GALNTL6: variants seen among roughly 807,000 people sequenced by gnomAD.
The protein encoded by GALNTL6 is polypeptide N-acetylgalactosaminyltransferase like 6.
Under a neutral mutation model 73.7 loss-of-function variants are expected in GALNTL6, and 46 were observed. The ratio of observed to expected loss-of-function variants is 0.62; its 90% confidence interval spans 0.49 to 0.80. GALNTL6 has a LOEUF of 0.80. Among genes scored for constraint, GALNTL6 ranks in the 30% least tolerant of loss-of-function variants. GALNTL6 has a pLI of 0.00. For missense variants in GALNTL6, 604 were observed against 755.0 expected, an observed-to-expected ratio of 0.80 and a Z score of 2.34; for synonymous variants, 259 against 263.7, an observed-to-expected ratio of 0.98 and a Z score of 0.17.
Position 171,954,838 on chromosome 4 carries a change from A to G in GALNTL6, c.138+140120A>G, listed in dbSNP as rs551352300. Among the ~76,000 whole-genome samples, 13 of 152,222 alleles carry G rather than the reference A, an allele frequency of 8.5e-5. No individual in the cohort carries two copies. The South Asian group carries it at 1.7e-3, about 19-fold the overall frequency. ...TTCTCACAAGACCTGGTTGTTTAAA[A>G]GTGTGCAGCACTTTCCAGTTGTCTC... On this transcript the variant is annotated intron_variant, in intron 2 of 12. Coordinates refer to ENST00000506823, the MANE Select transcript of GALNTL6 (RefSeq NM_001034845.3).
At chr4:172,092,211 T>C (rs1169872645) in intron 2 of GALNTL6, among the ~76,000 whole-genome samples, 1 of 152,106 alleles carries the variant, frequency 6.6e-6, no homozygotes, top group African/African-American at 2.4e-5. Flanking sequence ...AACATGCAAT[T>C]AAAAATCAAA....
At chr4:172,562,329 A>G (rs1354261128) in intron 5 of GALNTL6, among the ~76,000 whole-genome samples, 3 of 152,188 alleles carry the variant, frequency 2.0e-5, no homozygotes, top group African/African-American at 7.2e-5. Flanking sequence ...AGCCATTACC[A>G]TTCAGCAAGA....
intron 2 of GALNTL6, among the ~76,000 whole-genome samples, chr4:172,037,356 A>G (rs2110832539): frequency 6.6e-6 from 1 of 152,232 alleles, no homozygotes; most frequent in Middle Eastern, 3.4e-3. Flanking sequence ...ACATTTTCCT[A>G]GTCAGCTCTT....
rs1462192301 is a variant in GALNTL6 at position 173,026,441 on chromosome 4, TCTTAAGGCCGGAGAAAGTC to T, written c.1638+4823_1638+4841del. Among the ~76,000 whole-genome samples the T allele has an allele frequency of 2.0e-5, 3 of 152,278 alleles. No homozygotes were observed. The East Asian group carries it at 5.8e-4, about 29-fold the overall frequency. ...CTGCTGCTCTTACAGACAGAACCATTCTTAAGGCCGGAGAAAGTCCTTAAGCAGAGAGATGCAGTGACAT... is the reference window on the plus strand; with the variant it reads ...CTGCTGCTCTTACAGACAGAACCATTCTTAAGCAGAGAGATGCAGTGACAT... On this transcript the variant is annotated intron_variant, in intron 12 of 12. Transcript: ENST00000506823.
intron 2 of GALNTL6, among the ~76,000 whole-genome samples, chr4:171,888,627 C>T (rs1264639371): frequency 6.6e-6 from 1 of 152,012 alleles, no homozygotes; most frequent in Admixed American, 6.6e-5. Flanking sequence ...GCCCTACCCA[C>T]ATTGGTCAAA....
Position 172,601,174 on chromosome 4 carries a change from A to T in GALNTL6, c.554-208187A>T, listed in dbSNP as rs192426977. ...TATTAAATATTTGAAATAAAAACTC[A>T]CTAGATGAACCTAATACCAGATTAG... On this transcript the variant is annotated intron_variant, in intron 5 of 12. Transcript: ENST00000506823. Among the ~76,000 whole-genome samples, 4 of 152,318 alleles carry T rather than the reference A, an allele frequency of 2.6e-5. No individual in the cohort carries two copies. The South Asian group carries it at 8.3e-4, about 32-fold the overall frequency.
chr4:173,034,006 T>A (rs1454204349), intron 12 of GALNTL6, among the ~76,000 whole-genome samples: 1 of 152,184 alleles, frequency 6.6e-6, no homozygotes, highest in Non-Finnish European at 1.5e-5. Flanking sequence ...AAAACTGAAC[T>A]CATTATCATT....
intron 10 of GALNTL6, among the ~76,000 whole-genome samples, chr4:172,983,279 C>T (rs772223959): frequency 1.3e-5 from 2 of 152,132 alleles, no homozygotes; most frequent in African/African-American, 2.4e-5. Flanking sequence ...ACAGCCCTGC[C>T]GACAGCTTGA....
chr4:171,901,648 T>G (rs934104434), intron 2 of GALNTL6, among the ~76,000 whole-genome samples: 5 of 152,176 alleles, frequency 3.3e-5, no homozygotes, highest in African/African-American at 9.7e-5. Flanking sequence ...CAGTTTCAGA[T>G]CCCTGGAGCT....
At chr4:172,207,309 G>A (rs1736169744) in intron 2 of GALNTL6, among the ~76,000 whole-genome samples, 2 of 152,078 alleles carry the variant, frequency 1.3e-5, no homozygotes, top group South Asian at 2.1e-4. Flanking sequence ...TTGGATCTTT[G>A]TGGAGAGTGG....
At chr4:171,975,397 T>A (rs1377278368) in intron 2 of GALNTL6, among the ~76,000 whole-genome samples, 1 of 152,074 alleles carries the variant, frequency 6.6e-6, no homozygotes. Context: ...TATTACTGAG[T>A]GGCCTAAAAA....
rs550767411 is a variant in GALNTL6, at chr4:172,717,637, G to A, written c.554-91724G>A. On this transcript the variant is annotated intron_variant, in intron 5 of 12. Coordinates refer to ENST00000506823, the MANE Select transcript of GALNTL6 (RefSeq NM_001034845.3). ...ACTACAATTGCCAGCACTACTATGTGTATAGGATACATCAACACACAGATA... is the reference window on the plus strand; with the variant it reads ...ACTACAATTGCCAGCACTACTATGTATATAGGATACATCAACACACAGATA... Among the ~76,000 whole-genome samples the A allele has an allele frequency of 3.9e-4, 59 of 152,300 alleles. No homozygotes were observed. In the South Asian group the frequency reaches 0.012, roughly 30 times the overall value.
intron 7 of GALNTL6, among the ~76,000 whole-genome samples, chr4:172,857,175 G>C (rs1263310688): frequency 6.6e-6 from 1 of 152,206 alleles, no homozygotes; most frequent in African/African-American, 2.4e-5. Flanking sequence ...GTTAATCCCT[G>C]AAGGCGGGAA....
intron 5 of GALNTL6, among the ~76,000 whole-genome samples, chr4:172,759,345 G>C (rs1737934003): frequency 6.6e-6 from 1 of 152,164 alleles, no homozygotes; most frequent in Admixed American, 6.5e-5. Flanking sequence ...TCATATTCTG[G>C]CCAGTGAGAT....
At chr4:172,050,258 G>C (rs1730809386) in intron 2 of GALNTL6, among the ~76,000 whole-genome samples, 1 of 152,092 alleles carries the variant, frequency 6.6e-6, no homozygotes, top group Admixed American at 6.6e-5. Context: ...GGAGAATCAG[G>C]CGGTTCAGGC....
At chr4:172,989,590 T>C (rs1751453968) in intron 10 of GALNTL6, among the ~76,000 whole-genome samples, 1 of 152,206 alleles carries the variant, frequency 6.6e-6, no homozygotes, top group Non-Finnish European at 1.5e-5. Context: ...TCTCCCTTGC[T>C]GTTCTCATGA....
chr4:172,757,962 G>A (rs1185134058), intron 5 of GALNTL6, among the ~76,000 whole-genome samples: 4 of 152,126 alleles, frequency 2.6e-5, no homozygotes, highest in Admixed American at 2.6e-4. Flanking sequence ...TTCTATAGTG[G>A]TGTTTTGGGA....
intron 5 of GALNTL6, among the ~76,000 whole-genome samples, chr4:172,441,886 A>G (rs1731849914): frequency 1.0e-5 from 1 of 99,686 alleles, no homozygotes. Context: ...TTGTAGTTTC[A>G]TGAGATAAGA....
chr4:172,716,824 A>C (rs1175760976), intron 5 of GALNTL6, among the ~76,000 whole-genome samples: 1 of 152,238 alleles, frequency 6.6e-6, no homozygotes, highest in African/African-American at 2.4e-5. Context: ...CCTAAGTCTC[A>C]CTATGGAAAA....
Sources: allele counts gnomAD v4.1 joint callset (sites outside exome capture counted in the v4.1 genomes callset), GRCh38; gene constraint gnomAD v4.1.1; transcripts MANE v1.5; gene names NCBI Gene and HGNC (gene_info 2026-07-23, HGNC 2026-07-21).